The following RNF138 variants were observed in gnomAD, a reference collection of about 807,000 sequenced individuals.
RNF138 encodes the protein ring finger protein 138.
Under a neutral mutation model 31.0 loss-of-function variants are expected in RNF138, and 12 were observed. The ratio of observed to expected loss-of-function variants is 0.39; its 90% CI spans 0.25 to 0.63. The LOEUF (loss-of-function observed/expected upper bound fraction) is 0.63, where lower values mean the gene tolerates loss of function less well. Among genes scored for constraint, RNF138 ranks in the 20% least tolerant of loss-of-function variants. The pLI, the probability that RNF138 is intolerant of heterozygous loss-of-function variation, is 0.52. For synonymous variants in RNF138, 105 were observed against 99.5 expected (o/e 1.06, Z -0.33); for missense variants, 192 against 300.1 (o/e 0.64, Z 2.66).
chr18:32,116,519 T>A (rs2040218605), intron 4 of RNF138, among the ~76,000 whole-genome samples: 1 of 151,860 alleles, frequency 6.6e-6, no homozygotes. Context: ...GAAAAGCTTT[T>A]TTTTTTTTTT....
At chr18:32,121,449 C>T (rs1016004572) in intron 4 of RNF138, among the ~76,000 whole-genome samples, 16 of 152,148 alleles carry the variant, frequency 1.1e-4, no homozygotes, top group East Asian at 7.7e-4. Context: ...GAGCCGCGGT[C>T]GCGCCACTGC....
chr18:32,106,203 T>C (rs1310553186), intron 2 of RNF138, among the ~76,000 whole-genome samples: 1 of 152,228 alleles, frequency 6.6e-6, no homozygotes, highest in Non-Finnish European at 1.5e-5. Flanking sequence ...TGGGTTTTGT[T>C]AGTAGTCTGG....
intron 6 of RNF138, chr18:32,125,055 C>CAT (rs2040363268): frequency 4.1e-6 from 2 of 490,454 alleles, no homozygotes; most frequent in African/African-American, 3.9e-5. Flanking sequence ...AAGGGAGATG[C>CAT]ATAGTGTGAG....
chr18:32,095,487 A>G (rs947260029), intron 2 of RNF138, among the ~76,000 whole-genome samples: 1 of 152,226 alleles, frequency 6.6e-6, no homozygotes, highest in African/African-American at 2.4e-5. Flanking sequence ...TTTAATTAAC[A>G]TAGTTATCTA....
intron 4 of RNF138, among the ~76,000 whole-genome samples, chr18:32,117,835 T>C (rs1201011395): frequency 6.6e-6 from 1 of 152,230 alleles, no homozygotes; most frequent in African/African-American, 2.4e-5. Context: ...AGGCCATTCC[T>C]ATTTTATAAC....
intron 2 of RNF138, among the ~76,000 whole-genome samples, chr18:32,093,579 A>G (rs756894238): frequency 8.5e-5 from 13 of 152,148 alleles, no homozygotes; most frequent in African/African-American, 2.4e-5. Flanking sequence ...CCTTTGTTTT[A>G]CCTTTCTGCT....
At chr18:32,116,456 A>G (rs1459212698) in intron 4 of RNF138, among the ~76,000 whole-genome samples, 4 of 151,560 alleles carry the variant, frequency 2.6e-5, no homozygotes, top group Non-Finnish European at 5.9e-5. Flanking sequence ...TTGCAATGGA[A>G]GAATTGAGTT....
chr18:32,097,239 A>G (rs1157287188), intron 2 of RNF138, among the ~76,000 whole-genome samples: 1 of 152,198 alleles, frequency 6.6e-6, no homozygotes, highest in Admixed American at 6.6e-5. Context: ...TGTACATGGC[A>G]GAAGTAAGCT....
rs1167535943 is a variant in RNF138 at position 32,102,195 on chromosome 18, C to CTTT, written c.110+9331_110+9333dup. Among the ~76,000 whole-genome samples the CTTT allele has an allele frequency of 3.6e-3, 232 of 63,816 alleles. 7 individuals carry two copies. Among genetic ancestry groups the CTTT allele is most frequent in the Middle Eastern group, 0.02 (1 of 50 alleles). 41.9% of individuals were successfully genotyped at this position (63,816 alleles called of 152,430 possible). A position where few individuals can be genotyped will look rare whatever the true frequency, so the allele number is the denominator to read the frequency against. On this transcript the variant is annotated intron_variant, in intron 2 of 7. Transcript: ENST00000261593. ...ACCACACCTGACCTTCTTTTAGTTTCTTTTTTTTTTTTTTTTTTTTTTTTG... is the reference window on the plus strand; with the variant it reads ...ACCACACCTGACCTTCTTTTAGTTTCTTTTTTTTTTTTTTTTTTTTTTTTTTTG...
intron 2 of RNF138, among the ~76,000 whole-genome samples, chr18:32,106,952 C>G (rs955380183): frequency 1.3e-5 from 2 of 152,028 alleles, no homozygotes; most frequent in Non-Finnish European, 2.9e-5. Flanking sequence ...TGTCTCTATT[C>G]TGCTGACATA....
intron 4 of RNF138, among the ~76,000 whole-genome samples, chr18:32,117,394 G>C (rs1290670302): frequency 6.6e-6 from 1 of 152,076 alleles, no homozygotes; most frequent in African/African-American, 2.4e-5. Context: ...TGTGCTCTGG[G>C]TCTACTGAAA....
At chr18:32,096,409 G>T (rs1257381471) in intron 2 of RNF138, among the ~76,000 whole-genome samples, 1 of 152,184 alleles carries the variant, frequency 6.6e-6, no homozygotes, top group African/African-American at 2.4e-5. Flanking sequence ...AAGATTTGAT[G>T]ACTGGGTTCA....
Position 32,113,744 on chromosome 18 carries a change from G to T in RNF138, c.277-1G>T. The T allele has an allele frequency of 7.8e-7, 1 of 1,288,624 alleles. No homozygotes were observed. Among genetic ancestry groups the T allele is most frequent in the East Asian group, 2.6e-5 (1 of 38,898 alleles). The allele number at this position is 1,288,624 out of a possible 1,614,324, so 79.8% of individuals were successfully genotyped here. On this transcript the variant is annotated splice_acceptor_variant, in intron 3 of 7. Coordinates refer to ENST00000261593, the MANE Select transcript of RNF138 (RefSeq NM_016271.5). LOFTEE classifies it high-confidence loss of function. ...AAAAGTCACATTTTAATAATTTACA[G>T]ATTAAATTCTATCGCATGAGACATC... is the stretch of plus-strand genomic sequence containing the variant.
At chr18:32,112,877 T>C (rs2040156222) in intron 3 of RNF138, among the ~76,000 whole-genome samples, 1 of 152,186 alleles carries the variant, frequency 6.6e-6, no homozygotes, top group Admixed American at 6.5e-5. Flanking sequence ...ATCACCGACA[T>C]TTTTTCTAAT....
intron 6 of RNF138, among the ~76,000 whole-genome samples, chr18:32,125,822 A>ATG (rs1431319436): frequency 1.7e-4 from 26 of 152,312 alleles, no homozygotes; most frequent in African/African-American, 6.3e-4. Flanking sequence ...GGATGACCTT[A>ATG]AGCTCTCACA....
At chr18:32,119,123 C>T (rs2040262973) in intron 4 of RNF138, among the ~76,000 whole-genome samples, 1 of 152,078 alleles carries the variant, frequency 6.6e-6, no homozygotes, top group South Asian at 2.1e-4. Context: ...CATTTGGTAA[C>T]ATTCATTGAG....
intron 4 of RNF138, chr18:32,122,431 GATATAGAACCAACCTGT>G (rs2040321368): frequency 6.6e-6 from 1 of 151,992 alleles, no homozygotes; most frequent in Non-Finnish European, 1.5e-5. Context: ...CTGGCATTGA[GATATAGAACCAACCTGT>G]ATTGTACAAT....
intron 2 of RNF138, among the ~76,000 whole-genome samples, chr18:32,096,453 AATAC>A (rs1356407791): frequency 6.6e-6 from 1 of 151,552 alleles, no homozygotes; most frequent in Non-Finnish European, 1.5e-5. Context: ...GTAGATCTGG[AATAC>A]ATGGAGCTAA....
chr18:32,106,572 A>ATTTG (rs1555698029), intron 2 of RNF138, among the ~76,000 whole-genome samples: 12 of 149,902 alleles, frequency 8.0e-5, no homozygotes, highest in South Asian at 2.1e-4. Flanking sequence ...TTATTTATTT[A>ATTTG]TTTGTTTATT....
Sources: allele counts gnomAD v4.1 joint callset (sites outside exome capture counted in the v4.1 genomes callset), GRCh38; gene constraint gnomAD v4.1.1; transcripts MANE v1.5; gene names NCBI Gene and HGNC (gene_info 2026-07-23, HGNC 2026-07-21).